The following IGSF11 variants were observed in gnomAD, a reference collection of about 807,000 sequenced individuals.
IGSF11 encodes CXADR like 1.
A neutral mutation model predicts 41.0 loss-of-function variants in IGSF11; 22 were observed. The ratio of observed to expected loss-of-function variants is 0.54; its 90% CI spans 0.38 to 0.77. IGSF11 has a LOEUF of 0.77. Among genes scored for constraint, IGSF11 ranks in the 30% least tolerant of loss-of-function variants. The pLI is 0.00. For missense variants in IGSF11, 444 were observed against 530.8 expected (o/e 0.84, Z 1.61); for synonymous variants, 219 against 201.3 (o/e 1.09, Z -0.74).
At chr3:118,917,585 T>C (rs1409204428) in intron 4 of IGSF11, among the ~76,000 whole-genome samples, 1 of 110,132 alleles carries the variant, frequency 9.1e-6, no homozygotes, top group Admixed American at 9.6e-5. Context: ...AATAGACCAA[T>C]AACAGGAGCT....
intron 1 of IGSF11, among the ~76,000 whole-genome samples, chr3:119,088,181 G>C (rs1335109906): frequency 6.6e-6 from 1 of 151,598 alleles, no homozygotes; most frequent in Non-Finnish European, 1.5e-5. Flanking sequence ...CATAAAGCAA[G>C]TCTCAAAAAA....
At chr3:119,056,736 A>AT (rs1229089515) in intron 1 of IGSF11, among the ~76,000 whole-genome samples, 5 of 152,216 alleles carry the variant, frequency 3.3e-5, no homozygotes, top group Admixed American at 6.5e-5. Flanking sequence ...AAATACTGGC[A>AT]AACCGAATCC....
intron 1 of IGSF11, among the ~76,000 whole-genome samples, chr3:119,126,532 T>C (rs746646127): frequency 2.0e-5 from 3 of 152,128 alleles, no homozygotes; most frequent in Admixed American, 1.3e-4. Flanking sequence ...AGTGCTTCAT[T>C]AAACGAGTCC....
chr3:119,076,523 G>T (rs1292512640), intron 1 of IGSF11, among the ~76,000 whole-genome samples: 1 of 152,022 alleles, frequency 6.6e-6, no homozygotes, highest in Admixed American at 6.6e-5. Context: ...CTGACAAAGG[G>T]CTAATATCCA....
chr3:118,964,652 A>G (rs192224699), intron 1 of IGSF11, among the ~76,000 whole-genome samples: 1 of 152,254 alleles, frequency 6.6e-6, no homozygotes, highest in Admixed American at 6.5e-5. Flanking sequence ...ATTGTTTTAA[A>G]TTCAAGTAAG....
At chr3:119,096,950 G>A (rs530037651) in intron 1 of IGSF11, among the ~76,000 whole-genome samples, 5 of 151,972 alleles carry the variant, frequency 3.3e-5, no homozygotes, top group South Asian at 4.2e-4. Context: ...TTGTTATAAC[G>A]GCTCTTTCTC....
At chr3:119,057,435 G>C (rs9754978) in intron 1 of IGSF11, among the ~76,000 whole-genome samples, 7 of 151,950 alleles carry the variant, frequency 4.6e-5, no homozygotes, top group Non-Finnish European at 8.8e-5. Flanking sequence ...GGACCTCTTT[G>C]AGGAGAACTA....
intron 1 of IGSF11, among the ~76,000 whole-genome samples, chr3:118,997,547 C>T (rs1327665063): frequency 7.0e-6 from 1 of 142,638 alleles, no homozygotes; most frequent in African/African-American, 2.5e-5. Context: ...GCCACACCAC[C>T]CCCCTCCCCC....
chr3:119,077,621 G>A (rs1227166747), intron 1 of IGSF11, among the ~76,000 whole-genome samples: 1 of 152,060 alleles, frequency 6.6e-6, no homozygotes, highest in Admixed American at 6.6e-5. Flanking sequence ...ACTGGAACAA[G>A]ACAAGAATGC....
intron 1 of IGSF11, among the ~76,000 whole-genome samples, chr3:119,008,426 T>A (rs950597629): frequency 6.6e-6 from 1 of 152,218 alleles, no homozygotes; most frequent in Non-Finnish European, 1.5e-5. Context: ...TGCCATGCAC[T>A]ATAGTACACA....
chr3:119,059,897 G>C (rs1317090290), intron 1 of IGSF11, among the ~76,000 whole-genome samples: 3 of 152,136 alleles, frequency 2.0e-5, no homozygotes, highest in Non-Finnish European at 2.9e-5. Context: ...TAGGGATAAG[G>C]AAAGAAGAAG....
At chr3:119,060,533 T>C (rs1213513787) in intron 1 of IGSF11, among the ~76,000 whole-genome samples, 1 of 152,228 alleles carries the variant, frequency 6.6e-6, no homozygotes, top group Non-Finnish European at 1.5e-5. Flanking sequence ...AACTATACTA[T>C]ACACTTTAAC....
chr3:119,095,737 G>A (rs6763596), intron 1 of IGSF11, among the ~76,000 whole-genome samples: 2 of 152,150 alleles, frequency 1.3e-5, no homozygotes, highest in African/African-American at 2.4e-5. Context: ...TGCTTTACAG[G>A]AGAGAAACAC....
chr3:118,959,606 A>C (rs963380769), intron 1 of IGSF11, among the ~76,000 whole-genome samples: 1 of 152,218 alleles, frequency 6.6e-6, no homozygotes, highest in Non-Finnish European at 1.5e-5. Context: ...ACTACTATGA[A>C]TAGTTAGTGG....
Position 119,034,541 on chromosome 3 carries a change from G to C in IGSF11, c.42C>G (p.Leu14=). Residue 14 remains leucine (L), a synonymous_variant, in exon 1 of 7, where the codon CTC becomes CTG. Coordinates refer to ENST00000393775, the MANE Select transcript of IGSF11 (RefSeq NM_001015887.3). ...GCTGGAGCTACTCACCGTGCAGAGA[G>C]AGGAGCAGCAAAGGCGCCAGAGGGG... The part of the protein sequence containing the change: ...QRSPLAPLLL[L]SLHGVAASLE... 6.3e-7 allele frequency: 1 copy of C among 1,592,176 alleles called. No homozygotes were observed. Among genetic ancestry groups the C allele is most frequent in the South Asian group, 1.1e-5 (1 of 87,480 alleles).
At chr3:118,922,502 T>C (rs188390279) in intron 4 of IGSF11, among the ~76,000 whole-genome samples, 280 of 152,110 alleles carry the variant, frequency 1.8e-3, no homozygotes, top group Non-Finnish European at 3.7e-3. Flanking sequence ...ATAGGCACCA[T>C]AGTGTACATT....
intron 1 of IGSF11, among the ~76,000 whole-genome samples, chr3:119,032,405 G>A (rs929163990): frequency 3.9e-5 from 6 of 152,148 alleles, no homozygotes; most frequent in Non-Finnish European, 7.3e-5. Context: ...ACAAACAGGC[G>A]TGCTAACTGT....
At chr3:118,958,782 T>C (rs1369770604) in intron 1 of IGSF11, among the ~76,000 whole-genome samples, 2 of 152,210 alleles carry the variant, frequency 1.3e-5, no homozygotes, top group East Asian at 3.8e-4. Context: ...CACTTAATTA[T>C]CACCAAACAC....
intron 1 of IGSF11, among the ~76,000 whole-genome samples, chr3:119,041,830 C>T (rs1372841187): frequency 6.6e-6 from 1 of 152,148 alleles, no homozygotes; most frequent in African/African-American, 2.4e-5. Flanking sequence ...AAAACTCTAG[C>T]TCCAGGTAAT....
Sources: allele counts gnomAD v4.1 joint callset (sites outside exome capture counted in the v4.1 genomes callset), GRCh38; gene constraint gnomAD v4.1.1; transcripts MANE v1.5; gene names NCBI Gene and HGNC (gene_info 2026-07-23, HGNC 2026-07-21).